Variants in DLAT observed in about 807,000 individuals in gnomAD.
DLAT encodes dihydrolipoyllysine-residue acetyltransferase component of pyruvate dehydrogenase complex, mitochondrial.
Under a neutral mutation model 68.0 loss-of-function variants are expected in DLAT, and 43 were observed. The observed-to-expected ratio is 0.63, with a 90% CI of 0.50 to 0.81. The LOEUF is 0.81. Among genes scored for constraint, DLAT ranks in the 40% least tolerant of loss-of-function variants. DLAT has a pLI of 0.00. For synonymous variants in DLAT, 265 were observed against 288.6 expected (o/e 0.92, Z 0.83); for missense variants, 745 against 815.4 (o/e 0.91, Z 1.05).
chr11:112,050,457 ATTC>A (rs1465321195), intron 10 of DLAT, among the ~76,000 whole-genome samples: 3 of 151,926 alleles, frequency 2.0e-5, no homozygotes, highest in South Asian at 2.1e-4. Context: ...ATTGATATTA[ATTC>A]TTCTTTAATA....
rs587634137 is a variant in DLAT, at chr11:112,053,199, G to A, written c.1514+1850G>A. Among the ~76,000 whole-genome samples the A allele has an allele frequency of 2.6e-5, 4 of 152,184 alleles. No individual in the cohort carries two copies. The South Asian group carries it at 8.3e-4, about 32-fold the overall frequency. On this transcript the variant is annotated intron_variant, in intron 11 of 13. Coordinates refer to ENST00000280346, the MANE Select transcript of DLAT (RefSeq NM_001931.5). ...TAGCTGAGCGTGGTGGTGCATGCCT[G>A]TAATCTCAGCTACTTGGGAAGCTGA...
At chr11:112,039,152 G>A (rs1180021829) in intron 6 of DLAT, 92 bp from the exon 7 acceptor site, 1 of 1,226,754 alleles carries the variant, frequency 8.2e-7, no homozygotes, top group Non-Finnish European at 1.1e-6. Flanking sequence ...AATTAAAATA[G>A]TTTTAATTTA....
intron 5 of DLAT, among the ~76,000 whole-genome samples, chr11:112,034,672 G>A (rs1377926262): frequency 1.3e-5 from 2 of 151,626 alleles, no homozygotes; most frequent in African/African-American, 2.4e-5. Context: ...TTGATCTCCT[G>A]ACCTCGTGAT....
rs1864723516 is a variant in DLAT at position 112,062,936 on chromosome 11, G to A, written c.*401G>A. The A allele has an allele frequency of 5.8e-6, 1 of 172,190 alleles. No homozygotes were observed. The highest frequency in any genetic ancestry group is 1.3e-5 in the Non-Finnish European group (1 of 79,480). 10.7% of individuals were successfully genotyped at this position (172,190 alleles called of 1,614,324 possible). On this transcript the variant is annotated 3_prime_UTR_variant, in exon 14 of 14. Transcript: ENST00000280346. ...TGCCTAAAATGTTCTCCTTAGATGTGAGAGAAAGAGAAATCAGAAAAATTA... is the reference window on the plus strand; with the variant it reads ...TGCCTAAAATGTTCTCCTTAGATGTAAGAGAAAGAGAAATCAGAAAAATTA...
chr11:112,049,237 T>G (rs782574504), intron 10 of DLAT, among the ~76,000 whole-genome samples: 2 of 152,146 alleles, frequency 1.3e-5, no homozygotes, highest in African/African-American at 2.4e-5. Context: ...TAAGTGAATT[T>G]TAGGATTAGC....
At chr11:112,028,312 G>T (rs889780138) in intron 2 of DLAT, among the ~76,000 whole-genome samples, 1 of 151,614 alleles carries the variant, frequency 6.6e-6, no homozygotes, top group African/African-American at 2.4e-5. Context: ...CCAGCTACTC[G>T]GGAGGCTGAG....
chr11:112,043,605 T>G, intron 8 of DLAT, 72 bp downstream of exon 8: 1 of 1,266,352 alleles, frequency 7.9e-7, no homozygotes, highest in Non-Finnish European at 1.2e-6. Context: ...CATACATTAT[T>G]TATGAACGAA....
intron 4 of DLAT, among the ~76,000 whole-genome samples, chr11:112,032,319 T>C (rs1425921078): frequency 6.6e-6 from 1 of 151,040 alleles, no homozygotes; most frequent in African/African-American, 2.5e-5. Flanking sequence ...TGTGTACATA[T>C]ATTATATACA....
intron 2 of DLAT, among the ~76,000 whole-genome samples, chr11:112,027,076 G>C (rs1439592449): frequency 6.6e-6 from 1 of 151,610 alleles, no homozygotes; most frequent in Non-Finnish European, 1.5e-5. Context: ...GGTGGCTGCC[G>C]GGCGGAGACG....
At chr11:112,044,848 C>T (rs782254289) in intron 8 of DLAT, among the ~76,000 whole-genome samples, 44 of 152,100 alleles carry the variant, frequency 2.9e-4, no homozygotes, top group Admixed American at 7.2e-4. Flanking sequence ...GCCAGGGCAA[C>T]GTGGCTAATT....
At position 112,026,221 on chromosome 11, in the gene DLAT, C is replaced by A; in HGVS notation, c.303C>A (p.Pro101=). ...AGGTTCCATTGCCTTCTCTTTCCCC[C>A]ACAATGCAGGCAGGCACCATAGCCC... ...HQKVPLPSLS[P]TMQAGTIARW... Residue 101 remains proline, a synonymous_variant, in exon 2 of 14, where the codon CCC becomes CCA. Transcript: ENST00000280346. 6.2e-7 allele frequency: 1 copy of A among 1,611,830 alleles called. No homozygotes were observed. The highest frequency in any genetic ancestry group is 8.5e-7 in the Non-Finnish European group (1 of 1,179,024).
intron 11 of DLAT, among the ~76,000 whole-genome samples, chr11:112,055,353 C>T (rs587631894): frequency 4.0e-5 from 6 of 148,152 alleles, no homozygotes; most frequent in African/African-American, 1.2e-4. Context: ...ATGCCGTTCT[C>T]CTGCCTCAGC....
At position 112,051,058 on chromosome 11, in the gene DLAT, A is replaced by G. The variant is rs1555181925; in HGVS notation, c.1399-176A>G. ...TCCGGGGAGGGAAAGCATTAGGAAA[A>G]ATAGCTGATGCATGTGAGGCCTAAT... On this transcript the variant is annotated intron_variant, in intron 10 of 13. Coordinates refer to ENST00000280346, the MANE Select transcript of DLAT (RefSeq NM_001931.5). The surrounding 1 kb of genome is among the most constrained non-coding windows in gnomAD (Gnocchi z 4.3). Among the ~76,000 whole-genome samples, 1 of 152,212 alleles carries G rather than the reference A, an allele frequency of 6.6e-6. No homozygotes were observed. Among genetic ancestry groups the G allele is most frequent in the Non-Finnish European group, 1.5e-5 (1 of 68,038 alleles).
chr11:112,025,772 C>G (rs1555179180), intron 1 of DLAT, 21 bp downstream of exon 1: 1 of 1,612,518 alleles, frequency 6.2e-7, no homozygotes, highest in South Asian at 1.1e-5. Flanking sequence ...GACCCCCCTT[C>G]TCGGGACCCC....
At chr11:112,033,004 C>G (rs1050917963) in intron 4 of DLAT, among the ~76,000 whole-genome samples, 3 of 152,112 alleles carry the variant, frequency 2.0e-5, no homozygotes, top group Non-Finnish European at 4.4e-5. Flanking sequence ...GTGGAGGTTG[C>G]AGTGAGCCGA....
chr11:112,045,988 T>C lies in DLAT; in HGVS notation c.1398+18T>C. On this transcript the variant is annotated intron_variant, in intron 10 of 13. Transcript: ENST00000280346. ...TTAATAAGGTAAAAGTTCTGAAAAT[T>C]CCAACTTTCTAAGTTATAAAAATTT... The C allele has an allele frequency of 6.9e-7, 1 of 1,451,014 alleles. No homozygotes were observed. Among genetic ancestry groups the C allele is most frequent in the Non-Finnish European group, 9.7e-7 (1 of 1,034,478 alleles). 89.9% of individuals were successfully genotyped at this position (1,451,014 alleles called of 1,614,324 possible).
rs1245764000 is a variant in DLAT, at chr11:112,063,689, A to G, written c.*1154A>G. ...AGCCCTAAAATACTATTGGAGAGAA[A>G]AAATTAACTAGGTTGCTACTTTATT... On this transcript the variant is annotated 3_prime_UTR_variant, in exon 14 of 14. Transcript: ENST00000280346. The G allele has an allele frequency of 6.6e-6, 1 of 152,436 alleles. No individual in the cohort carries two copies. Among genetic ancestry groups the G allele is most frequent in the African/African-American group, 2.4e-5 (1 of 41,480 alleles). 9.4% of individuals were successfully genotyped at this position (152,436 alleles called of 1,614,324 possible).
chr11:112,038,932 G>A (rs893291057), intron 6 of DLAT, among the ~76,000 whole-genome samples: 2 of 151,996 alleles, frequency 1.3e-5, no homozygotes, highest in African/African-American at 2.4e-5. Flanking sequence ...TAAAGAAGTG[G>A]TAAGAGATTA....
At chr11:112,046,052 ATT>A in intron 10 of DLAT, 82 bp downstream of exon 10, 1 of 814,712 alleles carries the variant, frequency 1.2e-6, no homozygotes, top group Non-Finnish European at 2.1e-6. Flanking sequence ...TTGTCCATAT[ATT>A]TTGTTACAAT....
Sources: allele counts gnomAD v4.1 joint callset (sites outside exome capture counted in the v4.1 genomes callset), GRCh38; gene constraint gnomAD v4.1.1; non-coding constraint Gnocchi (gnomAD v3.1); transcripts MANE v1.5; gene names NCBI Gene and HGNC (gene_info 2026-07-23, HGNC 2026-07-21).